Variants in DGKB observed in about 807,000 individuals in gnomAD.
DGKB encodes the protein diacylglycerol kinase beta.
A neutral mutation model predicts 114.3 loss-of-function variants in DGKB; 67 were observed. The observed-to-expected ratio is 0.59, with a 90% CI of 0.48 to 0.72. The LOEUF is 0.72. Ranked by LOEUF, DGKB falls within the 30% of genes least tolerant of loss-of-function variation. The probability of loss-of-function intolerance (pLI) is 0.00; values close to 1 mark genes in which losing one functional copy is unlikely to be tolerated. For synonymous variants in DGKB, 398 were observed against 323.1 expected (o/e 1.23, Z -2.49); for missense variants, 907 against 975.2 (o/e 0.93, Z 0.93).
chr7:14,506,625 G>A (rs538566056), intron 20 of DGKB, among the ~76,000 whole-genome samples: 2 of 152,064 alleles, frequency 1.3e-5, no homozygotes, highest in African/African-American at 4.8e-5. Context: ...ATTCAGCAAG[G>A]CACTGGAAAA....
intron 23 of DGKB, among the ~76,000 whole-genome samples, chr7:14,251,573 A>T (rs1244712365): frequency 1.3e-5 from 2 of 152,074 alleles, no homozygotes; most frequent in Non-Finnish European, 2.9e-5. Context: ...GAATTTGATG[A>T]TATTTTTACC....
At chr7:14,404,081 C>A (rs1823561755) in intron 21 of DGKB, among the ~76,000 whole-genome samples, 1 of 151,362 alleles carries the variant, frequency 6.6e-6, no homozygotes, top group Non-Finnish European at 1.5e-5. Context: ...CACTTTCAGG[C>A]CAAAGGCATG....
intron 1 of DGKB, among the ~76,000 whole-genome samples, chr7:14,872,925 C>T (rs1428683268): frequency 1.3e-5 from 2 of 151,674 alleles, no homozygotes; most frequent in Non-Finnish European, 2.9e-5. Context: ...AAGAATTCAA[C>T]ATTTTATTTG....
At chr7:14,354,469 G>A (rs1182891074) in intron 21 of DGKB, among the ~76,000 whole-genome samples, 1 of 152,038 alleles carries the variant, frequency 6.6e-6, no homozygotes, top group African/African-American at 2.4e-5. Flanking sequence ...ATTTACTATA[G>A]GTCCAGTACT....
intron 1 of DGKB, among the ~76,000 whole-genome samples, chr7:14,846,153 G>GA (rs981299867): frequency 1.8e-4 from 28 of 152,122 alleles, no homozygotes; most frequent in African/African-American, 6.8e-4. Context: ...TTTGCATTTT[G>GA]ACAAGTGATA....
chr7:14,541,087 A>T lies in DGKB; in HGVS notation c.1770+33125T>A, dbSNP rs541634540. Among the ~76,000 whole-genome samples, 8 of 152,136 alleles carry T rather than the reference A, an allele frequency of 5.3e-5. 1 individual carries two copies. The South Asian group carries it at 1.7e-3, about 32-fold the overall frequency. On this transcript the variant is annotated intron_variant, in intron 20 of 25. Transcript: ENST00000402815. The stretch of plus-strand genomic sequence containing the variant: ...TAGTTGACACCTTGAGAAACACTGC[A>T]TTAAGAATATTGTTGGTCTCCTTTT...
rs56176139 is a variant in DGKB, at chr7:14,937,025, T to TACACAC, written c.-188+37665_-188+37670dup. Reference sequence around the variant, plus strand: ...TATTGATGTGATTATGTCCATTCACTACACACACACACACACACACACACA... The same window carrying TACACAC: ...TATTGATGTGATTATGTCCATTCACTACACACACACACACACACACACACACACACA... On this transcript the variant is annotated intron_variant, in intron 1 of 4. Transcript: ENST00000437998. 6.8e-3 allele frequency among the ~76,000 whole-genome samples: 895 copies of TACACAC among 132,326 alleles called. 7 individuals carry two copies. The highest frequency in any genetic ancestry group is 0.02 in the African/African-American group (700 of 35,744). The allele number at this position is 132,326 out of a possible 152,430, so 86.8% of individuals were successfully genotyped here.
chr7:14,852,487 C>CAAAAAAAAAAAAAAAAACAA, intron 1 of DGKB, among the ~76,000 whole-genome samples: 2 of 63,618 alleles, frequency 3.1e-5, no homozygotes, highest in South Asian at 1.2e-3. Flanking sequence ...TAGTGAAAGT[C>CAAAAAAAAAAAAAAAAACAA]AAAAAAAAAA....
At chr7:14,300,756 C>G (rs974245432) in intron 23 of DGKB, among the ~76,000 whole-genome samples, 1 of 152,034 alleles carries the variant, frequency 6.6e-6, no homozygotes, top group Non-Finnish European at 1.5e-5. Context: ...AAAAATGTCT[C>G]CTATATGGCT....
intron 21 of DGKB, among the ~76,000 whole-genome samples, chr7:14,449,986 T>G (rs1831247499): frequency 6.6e-6 from 1 of 152,048 alleles, no homozygotes. Context: ...TTTAAATTAG[T>G]GTACTTTGCT....
intron 23 of DGKB, among the ~76,000 whole-genome samples, chr7:14,230,170 A>G (rs1020713276): frequency 6.6e-6 from 1 of 152,030 alleles, no homozygotes; most frequent in African/African-American, 2.4e-5. Flanking sequence ...CAAAACAACA[A>G]AAGTAGAGTT....
At chr7:14,932,936 G>A (rs1323680106) in intron 1 of DGKB, among the ~76,000 whole-genome samples, 2 of 152,172 alleles carry the variant, frequency 1.3e-5, no homozygotes, top group Non-Finnish European at 2.9e-5. Context: ...GGTCGGTCCA[G>A]TAATACCAAA....
At chr7:14,969,619 C>G in intron 1 of DGKB, among the ~76,000 whole-genome samples, 1 of 152,066 alleles carries the variant, frequency 6.6e-6, no homozygotes, top group East Asian at 1.9e-4. Flanking sequence ...ACTAAGCATG[C>G]GAGGGATCTA....
intron 1 of DGKB, among the ~76,000 whole-genome samples, chr7:14,861,394 G>T (rs2128180134): frequency 6.6e-6 from 1 of 151,790 alleles, no homozygotes. Flanking sequence ...CAAAAAAATT[G>T]TTAGCAATAA....
intron 20 of DGKB, among the ~76,000 whole-genome samples, chr7:14,557,559 G>C (rs1276134896): frequency 1.3e-5 from 2 of 151,002 alleles, no homozygotes; most frequent in Non-Finnish European, 3.0e-5. Flanking sequence ...TTCTTAATTT[G>C]ACTATTGCTT....
chr7:14,900,734 G>C (rs774627417), intron 1 of DGKB, among the ~76,000 whole-genome samples: 9 of 152,064 alleles, frequency 5.9e-5, no homozygotes, highest in Non-Finnish European at 1.2e-4. Context: ...CTTGAGCTTT[G>C]CTTACCAGTA....
At chr7:14,387,413 A>C (rs1820579071) in intron 21 of DGKB, among the ~76,000 whole-genome samples, 2 of 2,344 alleles carry the variant, frequency 8.5e-4, no homozygotes, top group South Asian at 0.029. Context: ...CTCCATCTCA[A>C]AAAAAAAAAA....
chr7:14,394,745 C>T (rs1179688089), intron 21 of DGKB, among the ~76,000 whole-genome samples: 2 of 151,904 alleles, frequency 1.3e-5, no homozygotes, highest in African/African-American at 2.4e-5. Flanking sequence ...CCATACCCCT[C>T]ATTGATTAAG....
chr7:14,361,455 T>C (rs541105526), intron 21 of DGKB, among the ~76,000 whole-genome samples: 14 of 152,174 alleles, frequency 9.2e-5, no homozygotes, highest in Middle Eastern at 3.4e-3. Context: ...ATTTTTGTCA[T>C]GGATTTACAT....
Sources: allele counts gnomAD v4.1 joint callset (sites outside exome capture counted in the v4.1 genomes callset), GRCh38; gene constraint gnomAD v4.1.1; transcripts MANE v1.5; gene names NCBI Gene and HGNC (gene_info 2026-07-23, HGNC 2026-07-21).